IL1RAPL2: variants seen among roughly 807,000 people sequenced by gnomAD.
IL1RAPL2 encodes interleukin 1 receptor accessory protein like 2.
A neutral mutation model predicts 44.1 loss-of-function variants in IL1RAPL2; 3 were observed. The ratio of observed to expected loss-of-function variants is 0.07; its 90% CI spans 0.03 to 0.18. The LOEUF (loss-of-function observed/expected upper bound fraction) is 0.18, where lower values mean the gene tolerates loss of function less well. Ranked by LOEUF, IL1RAPL2 falls within the 10% of genes least tolerant of loss-of-function variation. The pLI is 1.00. For synonymous variants in IL1RAPL2, 181 were observed against 178.8 expected (o/e 1.01, Z -0.10); for missense variants, 391 against 496.4 (o/e 0.79, Z 2.02).
At chrX:104,904,089 C>T (rs1048153757) in intron 2 of IL1RAPL2, among the ~76,000 whole-genome samples, 5 of 110,044 alleles carry the variant, frequency 4.5e-5, no homozygotes, top group African/African-American at 1.7e-4. Flanking sequence ...ATATGCTTGC[C>T]TTCTATTCAC....
intron 6 of IL1RAPL2, among the ~76,000 whole-genome samples, chrX:105,695,062 A>G (rs769456774): frequency 8.9e-6 from 1 of 111,869 alleles, no homozygotes; most frequent in South Asian, 3.8e-4. Flanking sequence ...TCATGTAGCT[A>G]GTTTCCTTAG....
intron 6 of IL1RAPL2, among the ~76,000 whole-genome samples, chrX:105,663,558 A>G (rs1208451343): frequency 8.9e-6 from 1 of 111,965 alleles, no homozygotes; most frequent in African/African-American, 3.2e-5. Flanking sequence ...TGTGCTGCCA[A>G]TCATCTTCAT....
At chrX:104,877,692 A>G (rs1450420585) in intron 2 of IL1RAPL2, among the ~76,000 whole-genome samples, 1 of 112,142 alleles carries the variant, frequency 8.9e-6, no homozygotes, top group Non-Finnish European at 1.9e-5. Context: ...CAAACATCAA[A>G]CATGAGCAAT....
At chrX:105,658,447 G>A (rs2037692264) in intron 6 of IL1RAPL2, among the ~76,000 whole-genome samples, 1 of 112,203 alleles carries the variant, frequency 8.9e-6, no homozygotes, top group Admixed American at 9.4e-5. Flanking sequence ...CTCAAGAAGG[G>A]TGGACACAAA....
chrX:105,386,606 A>G (rs761901529), intron 5 of IL1RAPL2, among the ~76,000 whole-genome samples: 24 of 111,944 alleles, frequency 2.1e-4, no homozygotes, highest in South Asian at 3.7e-4. Context: ...CCCAAAATCT[A>G]TTTTCTTAAT....
intron 2 of IL1RAPL2, among the ~76,000 whole-genome samples, chrX:104,992,967 C>T (rs1362691656): frequency 9.0e-6 from 1 of 111,264 alleles, no homozygotes; most frequent in African/African-American, 3.3e-5. Flanking sequence ...GAAATGAAAA[C>T]TCACCATTAC....
intron 5 of IL1RAPL2, among the ~76,000 whole-genome samples, chrX:105,294,984 C>T (rs190935306): frequency 6.3e-5 from 7 of 110,972 alleles, no homozygotes; most frequent in Admixed American, 5.8e-4. Flanking sequence ...AGGTATTTTT[C>T]GATTGGTGAA....
At chrX:105,013,990 A>G (rs2031117068) in intron 2 of IL1RAPL2, among the ~76,000 whole-genome samples, 1 of 112,440 alleles carries the variant, frequency 8.9e-6, no homozygotes, top group African/African-American at 3.2e-5. Context: ...TATAAGCACC[A>G]GGCACATAGT....
chrX:105,182,185 T>G (rs2033538811), intron 2 of IL1RAPL2, among the ~76,000 whole-genome samples: 1 of 111,907 alleles, frequency 8.9e-6, no homozygotes, highest in African/African-American at 3.2e-5. Flanking sequence ...AATATTTCTT[T>G]GTTGATATTT....
At chrX:104,584,453 G>GT (rs1310575450) in intron 1 of IL1RAPL2, among the ~76,000 whole-genome samples, 634 of 102,217 alleles carry the variant, frequency 6.2e-3, no homozygotes, top group African/African-American at 0.01. Flanking sequence ...TCAATAAATA[G>GT]TTTTTTTTTT....
intron 2 of IL1RAPL2, among the ~76,000 whole-genome samples, chrX:105,048,243 C>T (rs1332278158): frequency 9.0e-6 from 1 of 111,661 alleles, no homozygotes; most frequent in Non-Finnish European, 1.9e-5. Context: ...GGGAAGAGTC[C>T]ACTTAACAAT....
intron 2 of IL1RAPL2, among the ~76,000 whole-genome samples, chrX:104,661,747 G>A (rs1370640724): frequency 8.9e-6 from 1 of 111,866 alleles, no homozygotes; most frequent in East Asian, 2.8e-4. Context: ...CATGTAGCTT[G>A]TGAAGTCCTT....
chrX:105,621,926 G>A (rs895088842), intron 6 of IL1RAPL2, among the ~76,000 whole-genome samples: 4 of 110,478 alleles, frequency 3.6e-5, no homozygotes, highest in Non-Finnish European at 5.7e-5. Flanking sequence ...ATGCTACGAA[G>A]ATACATCTAA....
chrX:105,184,175 T>G (rs927715447), intron 2 of IL1RAPL2, among the ~76,000 whole-genome samples: 23 of 111,571 alleles, frequency 2.1e-4, no homozygotes, highest in African/African-American at 7.5e-4. Context: ...CTTTCCATCC[T>G]TTTCTTAGGT....
Position 104,602,515 on chromosome X carries a change from G to A in IL1RAPL2, c.-20+35464G>A, listed in dbSNP as rs977637486. ...CCCTGGAAAAGGGTGCTGAAGCCAG[G>A]GAGCCAAGTGGTCTGACTCGGCGGG... is the stretch of plus-strand genomic sequence containing the variant. On this transcript the variant is annotated intron_variant, in intron 1 of 10. Transcript: ENST00000372582. Among the ~76,000 whole-genome samples the A allele has an allele frequency of 6.3e-5, 7 of 111,559 alleles. No individual in the cohort carries two copies. In the Admixed American group the frequency reaches 6.7e-4, roughly 11 times the overall value.
intron 2 of IL1RAPL2, among the ~76,000 whole-genome samples, chrX:105,087,880 T>C (rs2032497664): frequency 8.9e-6 from 1 of 112,357 alleles, no homozygotes; most frequent in African/African-American, 3.2e-5. Flanking sequence ...TTTTGTGTTC[T>C]TGATTTCTTC....
intron 4 of IL1RAPL2, among the ~76,000 whole-genome samples, chrX:105,251,774 T>G (rs1173524333): frequency 1.8e-5 from 2 of 109,921 alleles, no homozygotes; most frequent in Admixed American, 9.8e-5. Flanking sequence ...ATATATGTAA[T>G]TAATAGCTGT....
In IL1RAPL2 at chrX:105,541,911, C is replaced by G. The variant is rs762567851; in HGVS notation, c.772+57524C>G. Among the ~76,000 whole-genome samples the G allele has an allele frequency of 5.4e-5, 6 of 111,349 alleles. No homozygotes were observed. In the South Asian group the frequency reaches 2.3e-3, roughly 42 times the overall value. On this transcript the variant is annotated intron_variant, in intron 6 of 10. Transcript: ENST00000372582. ...AAGCCACTATCATTCCCACCACCCC[C>G]ACACCAGGAAATTTAACCTGCGTTT... is the stretch of plus-strand genomic sequence containing the variant.
At chrX:105,586,943 G>A (rs149850287) in intron 6 of IL1RAPL2, among the ~76,000 whole-genome samples, 2,128 of 112,026 alleles carry the variant, frequency 0.019, 48 homozygotes, top group African/African-American at 0.065. Context: ...GATCTCTCTT[G>A]GGGTTCCCTT....
Sources: gnomAD v4.1 joint callset for allele counts (sites outside exome capture counted in the v4.1 genomes callset) on GRCh38, gnomAD v4.1.1 for gene constraint, MANE v1.5 for transcripts, NCBI Gene and HGNC (gene_info 2026-07-23, HGNC 2026-07-21) for gene names.